The following TMCO1 variants were observed in gnomAD, a reference collection of about 807,000 sequenced individuals.
TMCO1 encodes the protein calcium load-activated calcium channel.
Under a neutral mutation model 29.3 loss-of-function variants are expected in TMCO1, and 29 were observed. That is an observed-to-expected ratio of 0.99 (90% CI 0.74 to 1.35). The LOEUF is 1.35. TMCO1 is among the 40% of genes most tolerant of loss of function. The pLI is 0.00. For synonymous variants in TMCO1, 80 were observed against 77.1 expected (o/e 1.04, Z -0.20); for missense variants, 173 against 225.5 (o/e 0.77, Z 1.49).
chr1:165,748,832 G>A (rs1178729915), intron 5 of TMCO1, among the ~76,000 whole-genome samples: 1 of 152,160 alleles, frequency 6.6e-6, no homozygotes. Flanking sequence ...AGAATCCTCT[G>A]TGCTCTGCCT....
chr1:165,734,330 G>T (rs1651287338), intron 6 of TMCO1, among the ~76,000 whole-genome samples: 1 of 152,116 alleles, frequency 6.6e-6, no homozygotes, highest in Non-Finnish European at 1.5e-5. Flanking sequence ...AGAAAACTTG[G>T]GTTACAGTGC....
In TMCO1 at chr1:165,768,404, T is replaced by C. The variant is rs1652656200; in HGVS notation, c.71-135A>G. Reference sequence around the variant, plus strand: ...CCCATAGTTAACTTTTTTCAAAGGCTAATACAACTGACTCTTCAGCCAAAA... The same window carrying C: ...CCCATAGTTAACTTTTTTCAAAGGCCAATACAACTGACTCTTCAGCCAAAA... On this transcript the variant is annotated intron_variant, in intron 1 of 6. Transcript: ENST00000367881. The C allele has an allele frequency of 1.5e-5, 22 of 1,496,138 alleles. No homozygotes were observed. In the South Asian group the frequency reaches 2.3e-4, roughly 16 times the overall value. 92.7% of individuals were successfully genotyped at this position (1,496,138 alleles called of 1,614,324 possible).
downstream of TMCO1, chr1:165,725,990 A>G (rs1307510854): frequency 5.9e-6 from 4 of 683,142 alleles, 1 homozygote; most frequent in South Asian, 4.5e-5. Flanking sequence ...AACCTGGTCC[A>G]TAAGAAGTCT....
intron 1 of TMCO1, 46 bp downstream of exon 1, chr1:165,768,636 T>C: frequency 6.2e-7 from 1 of 1,613,754 alleles, no homozygotes; most frequent in Non-Finnish European, 8.5e-7. Flanking sequence ...CCCGGGGCCC[T>C]TCCTCCCGGG....
At chr1:165,724,986 TTCTCTCTCTC>T (rs61515012), downstream of TMCO1, 35,921 of 369,944 alleles carry the variant, frequency 0.097, 813 homozygotes, top group Middle Eastern at 0.11. Flanking sequence ...TATTCTCTCT[TTCTCTCTCTC>T]TCTCTCTCTC....
intron 4 of TMCO1, among the ~76,000 whole-genome samples, chr1:165,752,400 G>A (rs955133719): frequency 2.0e-5 from 3 of 150,758 alleles, no homozygotes; most frequent in African/African-American, 4.9e-5. Context: ...GGACTACAGG[G>A]GCCCGCCACC....
intron 6 of TMCO1, among the ~76,000 whole-genome samples, chr1:165,741,473 G>A (rs796500849): frequency 1.3e-5 from 2 of 152,268 alleles, no homozygotes; most frequent in African/African-American, 4.8e-5. Flanking sequence ...GGAAGAAGAG[G>A]GAGGCATTCA....
chr1:165,748,426 G>A (rs756813021), intron 5 of TMCO1, among the ~76,000 whole-genome samples: 1 of 152,176 alleles, frequency 6.6e-6, no homozygotes, highest in Non-Finnish European at 1.5e-5. Context: ...TAGGATGAAT[G>A]AGAAGAGAGG....
At position 165,768,387 on chromosome 1, in the gene TMCO1, T is replaced by G. The variant is rs1244007786; in HGVS notation, c.71-118A>C. On this transcript the variant is annotated intron_variant, in intron 1 of 6. Coordinates refer to ENST00000367881, the MANE Select transcript of TMCO1 (RefSeq NM_019026.6). Reference sequence around the variant, plus strand: ...TTTTCGCTTTGTATTTACCCATAGTTAACTTTTTTCAAAGGCTAATACAAC... The same window carrying G: ...TTTTCGCTTTGTATTTACCCATAGTGAACTTTTTTCAAAGGCTAATACAAC... 9 of 1,491,864 alleles carry G rather than the reference T, an allele frequency of 6.0e-6. No homozygotes were observed. In the South Asian group the frequency reaches 1.1e-4, roughly 18 times the overall value. The allele number at this position is 1,491,864 out of a possible 1,614,324, so 92.4% of individuals were successfully genotyped here. A position where few individuals can be genotyped will look rare whatever the true frequency, so the allele number is the denominator to read the frequency against.
rs1652606658 is a variant in TMCO1 at position 165,767,197 on chromosome 1, C to A, written c.148+995G>T. Among the ~76,000 whole-genome samples, 3 of 151,698 alleles carry A rather than the reference C, an allele frequency of 2.0e-5. No homozygotes were observed. In the South Asian group the frequency reaches 6.2e-4, roughly 32 times the overall value. The stretch of plus-strand genomic sequence containing the variant: ...TATGGTAATTTAAGAAAAAAAACTT[C>A]AAACCCCTATGAAGATATAAGAAAA... On this transcript the variant is annotated intron_variant, in intron 2 of 6. Transcript: ENST00000367881.
At chr1:165,724,514 A>G (rs1397109346), downstream of TMCO1, 2 of 454,160 alleles carry the variant, frequency 4.4e-6, no homozygotes, top group South Asian at 1.6e-5. Context: ...CTGCAGCTTC[A>G]GCATCACCTG....
chr1:165,760,726 G>T (rs184996906), intron 2 of TMCO1, among the ~76,000 whole-genome samples: 2 of 151,986 alleles, frequency 1.3e-5, no homozygotes, highest in Non-Finnish European at 1.5e-5. Context: ...GCTTGAACCC[G>T]GAAGGCAGAA....
downstream of TMCO1, chr1:165,726,036 G>A (rs933668364): frequency 4.4e-6 from 3 of 688,538 alleles, no homozygotes; most frequent in East Asian, 2.7e-5. Context: ...CTCAGGGTAT[G>A]AGTGATAGAG....
chr1:165,725,767 C>G (rs1650861381), downstream of TMCO1: 1 of 455,276 alleles, frequency 2.2e-6, no homozygotes, highest in African/African-American at 2.0e-5. Context: ...CCCTTAATAA[C>G]TCCTTGAATT....
chr1:165,748,413 T>TG (rs919440076), intron 5 of TMCO1, among the ~76,000 whole-genome samples: 1 of 152,034 alleles, frequency 6.6e-6, no homozygotes, highest in African/African-American at 2.4e-5. Context: ...TGGGAGCTGG[T>TG]GCTAGGATGA....
At chr1:165,729,573 G>A (rs1456933675) in intron 6 of TMCO1, among the ~76,000 whole-genome samples, 1 of 152,098 alleles carries the variant, frequency 6.6e-6, no homozygotes, top group Non-Finnish European at 1.5e-5. Context: ...GCCTGCCTCA[G>A]CCTCCCAAAG....
intron 5 of TMCO1, 67 bp from the exon 6 acceptor site, chr1:165,743,378 A>G (rs1280183181): frequency 2.0e-6 from 3 of 1,534,728 alleles, no homozygotes; most frequent in South Asian, 2.3e-5. Context: ...ACTTCCAAAG[A>G]AGAATCTGGG....
intron 2 of TMCO1, among the ~76,000 whole-genome samples, chr1:165,765,778 G>A (rs12084371): frequency 0.037 from 5,584 of 152,274 alleles, 327 homozygotes; most frequent in African/African-American, 0.13. Flanking sequence ...CAGTGTGGGT[G>A]AAGCAGGGTA....
Position 165,726,800 on chromosome 1 carries a change from T to C in TMCO1, c.*1223A>G, listed in dbSNP as rs1650910195. On this transcript the variant is annotated 3_prime_UTR_variant, in exon 7 of 7. Coordinates refer to ENST00000367881, the MANE Select transcript of TMCO1 (RefSeq NM_019026.6). The stretch of plus-strand genomic sequence containing the variant: ...TAATAATTCAACTCTCTTAGTTTTG[T>C]ATGTCTAAACATGTCTTTATTTTGC... 1 of 453,342 alleles carries C rather than the reference T, an allele frequency of 2.2e-6. No individual in the cohort carries two copies. The highest frequency in any genetic ancestry group is 6.9e-5 in the East Asian group (1 of 14,410). 28.1% of individuals were successfully genotyped at this position (453,342 alleles called of 1,614,324 possible). A position where few individuals can be genotyped will look rare whatever the true frequency, so the allele number is the denominator to read the frequency against.
Sources: gnomAD v4.1 joint callset for allele counts (sites outside exome capture counted in the v4.1 genomes callset) on GRCh38, gnomAD v4.1.1 for gene constraint, MANE v1.5 for transcripts, NCBI Gene and HGNC (gene_info 2026-07-23, HGNC 2026-07-21) for gene names.